PUM1: variants seen among roughly 807,000 people sequenced by gnomAD.
PUM1 encodes pumilio RNA binding family member 1, also known as pumilio homolog 1.
In PUM1, 13 loss-of-function variants were observed where a neutral mutation model predicts 131.8. That is an observed-to-expected ratio of 0.10 (90% confidence interval 0.06 to 0.16). PUM1 has a LOEUF of 0.16. PUM1 is among the 10% of genes least tolerant of loss of function. The pLI is 1.00. For missense variants in PUM1, 961 were observed against 1,512.4 expected, an observed-to-expected ratio of 0.64 and a Z score of 6.05; for synonymous variants, 509 against 556.5, an observed-to-expected ratio of 0.91 and a Z score of 1.20.
intron 3 of PUM1, among the ~76,000 whole-genome samples, chr1:31,012,083 C>T (rs2124518890): frequency 1.3e-5 from 2 of 152,212 alleles, no homozygotes; most frequent in South Asian, 4.1e-4. Context: ...TAAAAACACC[C>T]AAGTAATCTC....
At chr1:30,951,560 T>C (rs528884208) in intron 16 of PUM1, among the ~76,000 whole-genome samples, 1 of 151,810 alleles carries the variant, frequency 6.6e-6, no homozygotes, top group East Asian at 1.9e-4. Flanking sequence ...TTTTGTGCCA[T>C]TCTGCATCTA....
At chr1:30,952,124 CCCTT>C in intron 16 of PUM1, 106 bp downstream of exon 16, 1 of 1,037,382 alleles carries the variant, frequency 9.6e-7, no homozygotes, top group Non-Finnish European at 1.5e-6. Flanking sequence ...AGACCACACA[CCCTT>C]CATTCTGAGG....
intron 7 of PUM1, among the ~76,000 whole-genome samples, chr1:30,985,227 T>C (rs1641502945): frequency 6.6e-6 from 1 of 152,224 alleles, no homozygotes; most frequent in Admixed American, 6.5e-5. Flanking sequence ...TGTGATGTTC[T>C]TTCTGATGAA....
intron 16 of PUM1, among the ~76,000 whole-genome samples, chr1:30,951,926 C>T (rs1015299883): frequency 2.0e-5 from 3 of 152,176 alleles, no homozygotes; most frequent in African/African-American, 2.4e-5. Context: ...ATTATTTCCT[C>T]CTTAAGTGAC....
chr1:31,063,100 AAAG>A (rs1644404518), intron 1 of PUM1, among the ~76,000 whole-genome samples: 1 of 152,112 alleles, frequency 6.6e-6, no homozygotes, highest in African/African-American at 2.4e-5. Context: ...TTGGTTTTTT[AAAG>A]AATTCATTAC....
intron 2 of PUM1, among the ~76,000 whole-genome samples, chr1:31,043,396 T>C (rs1003848506): frequency 6.6e-6 from 1 of 151,728 alleles, no homozygotes; most frequent in Non-Finnish European, 1.5e-5. Flanking sequence ...ATTTTTGTAT[T>C]TTTGTAGAGA....
At position 31,030,909 on chromosome 1, in the gene PUM1, C is replaced by T. The variant is rs76819626; in HGVS notation, c.364-2045G>A. Among the ~76,000 whole-genome samples the T allele has an allele frequency of 5.2e-3, 795 of 152,236 alleles. 6 individuals are homozygous for T. The highest frequency in any genetic ancestry group is 0.018 in the African/African-American group (735 of 41,532). ...ACTAAGATACAAAAGATTGGGAATG[C>T]TCACTAAAAATTGAAATTTATAAAA... On this transcript the variant is annotated intron_variant, in intron 2 of 21. Transcript: ENST00000426105.
intron 12 of PUM1, 143 bp downstream of exon 12, chr1:30,967,024 C>A: frequency 1.1e-6 from 1 of 949,330 alleles, no homozygotes; most frequent in South Asian, 2.0e-5. Context: ...TCACTTATTG[C>A]TTCTGATCTC....
intron 11 of PUM1, among the ~76,000 whole-genome samples, chr1:30,967,917 TA>T (rs1321192019): frequency 6.6e-6 from 1 of 152,164 alleles, no homozygotes; most frequent in Non-Finnish European, 1.5e-5. Context: ...GGTAGACAGC[TA>T]AAAAGGACCC....
At chr1:31,014,516 T>C (rs1642740328) in intron 3 of PUM1, among the ~76,000 whole-genome samples, 1 of 149,620 alleles carries the variant, frequency 6.7e-6, no homozygotes, top group African/African-American at 2.5e-5. Flanking sequence ...ATTAAAAAAG[T>C]TGAAAGTAGG....
intron 20 of PUM1, among the ~76,000 whole-genome samples, chr1:30,940,328 T>C (rs568137945): frequency 3.0e-4 from 45 of 152,140 alleles, no homozygotes; most frequent in African/African-American, 9.9e-4. Flanking sequence ...TAAAAAAAAG[T>C]AGCTGGGCGT....
At chr1:31,005,740 C>G (rs1642376364) in intron 5 of PUM1, 113 bp downstream of exon 5, 1 of 1,007,636 alleles carries the variant, frequency 9.9e-7, no homozygotes, top group Non-Finnish European at 1.4e-6. Flanking sequence ...GTAATTAATG[C>G]TGTGAACATC....
intron 2 of PUM1, among the ~76,000 whole-genome samples, chr1:31,038,605 G>C (rs530954222): frequency 6.6e-6 from 1 of 152,222 alleles, no homozygotes; most frequent in African/African-American, 2.4e-5. Context: ...ACTGCCCTTA[G>C]TCATACAAGT....
intron 16 of PUM1, among the ~76,000 whole-genome samples, chr1:30,950,636 G>A (rs1394429012): frequency 6.6e-6 from 1 of 152,222 alleles, no homozygotes; most frequent in Non-Finnish European, 1.5e-5. Flanking sequence ...AAGGAGGGTG[G>A]ATCACCTGAG....
intron 10 of PUM1, among the ~76,000 whole-genome samples, chr1:30,973,261 A>AAG (rs2124456001): frequency 6.6e-6 from 1 of 151,918 alleles, no homozygotes; most frequent in African/African-American, 2.4e-5. Context: ...CTAAAAAAAA[A>AAG]AAAAAAATTA....
Position 30,953,759 on chromosome 1 carries a change from A to G in PUM1, c.2546T>C (p.Ile849Thr), listed in dbSNP as rs759985860. ...NRYPNLQLRE[I>T]AGHIMEFSQD... ...GGAAAATTCCATTATATGTCCAGCAATCTCCCGCAGTTGTAAATTGGGGTA... is the reference window on the plus strand; with the variant it reads ...GGAAAATTCCATTATATGTCCAGCAGTCTCCCGCAGTTGTAAATTGGGGTA... The change falls in exon 15 of 22, where the codon ATT (isoleucine) becomes ACT (threonine). Residue 849 changes from isoleucine (I) to threonine (T), a missense_variant. By Grantham distance (89) the Ile-to-Thr change is moderately conservative. Coordinates refer to ENST00000426105, the MANE Select transcript of PUM1 (RefSeq NM_001020658.2). 1.2e-6 allele frequency: 2 copies of G among 1,614,206 alleles called. No homozygotes were observed. The highest frequency in any genetic ancestry group is 2.2e-5 in the South Asian group (2 of 91,084).
intron 1 of PUM1, among the ~76,000 whole-genome samples, chr1:31,062,355 G>T (rs998871427): frequency 6.6e-6 from 1 of 152,180 alleles, no homozygotes; most frequent in Admixed American, 6.6e-5. Context: ...GGACACGGTG[G>T]CTTACGCCTG....
chr1:31,059,235 G>A lies in PUM1; in HGVS notation c.332C>T (p.Pro111Leu), dbSNP rs754077675. 7.5e-6 allele frequency: 12 copies of A among 1,606,980 alleles called. No individual in the cohort carries two copies. Among genetic ancestry groups the A allele is most frequent in the Non-Finnish European group, 1.0e-5 (12 of 1,176,786 alleles). Residue 111 changes from proline to leucine, a missense_variant, in exon 2 of 22, where the codon CCT becomes CTT. This residue lies in a region of PUM1 where 654 missense variants were observed against 923.9 expected (regional missense o/e 0.71). Transcript: ENST00000426105. ...TTCTGCATGAATGTTATCCCCAGTA[G>A]GCCATCGATGTTTGCTATTATTATA... ...GGYNNSKHRWPTGDNIHAEHQ... is the reference protein window; with the variant it reads ...GGYNNSKHRWLTGDNIHAEHQ...
chr1:30,978,038 A>T (rs1641208736), intron 9 of PUM1, among the ~76,000 whole-genome samples: 1 of 152,164 alleles, frequency 6.6e-6, no homozygotes, highest in African/African-American at 2.4e-5. Context: ...TTAAGTCAGG[A>T]GTTTGAGACC....
Sources: allele counts gnomAD v4.1 joint callset (sites outside exome capture counted in the v4.1 genomes callset), GRCh38; gene constraint gnomAD v4.1.1; regional missense constraint gnomAD v4.1.1; transcripts MANE v1.5; gene names NCBI Gene and HGNC (gene_info 2026-07-23, HGNC 2026-07-21).